The following PLTP variants were observed in gnomAD, a reference collection of about 807,000 sequenced individuals.
PLTP encodes the protein phospholipid transfer protein, also known as BPI fold containing family E.
Under a neutral mutation model 54.1 loss-of-function variants are expected in PLTP, and 43 were observed. That is an observed-to-expected ratio of 0.79 (90% CI 0.62 to 1.02). The LOEUF is 1.02. PLTP is among the 50% of genes least tolerant of loss of function. The pLI, the probability that PLTP is intolerant of heterozygous loss-of-function variation, is 0.00. For missense variants in PLTP, 604 were observed against 645.9 expected (o/e 0.94, Z 0.70); for synonymous variants, 263 against 264.6 (o/e 0.99, Z 0.06).
Position 45,909,680 on chromosome 20 carries a change from G to C in PLTP, c.330-9C>G, listed in dbSNP as rs1206736466. On this transcript the variant is annotated splice_polypyrimidine_tract_variant and intron_variant, in intron 4 of 15. Coordinates refer to ENST00000372431, the MANE Select transcript of PLTP (RefSeq NM_006227.4). ...TGTAGCCCCCATCATAGCTGCCAGG[G>C]GGGTTAATATTCACTCCAGGTAGGA... The C allele has an allele frequency of 6.2e-7, 1 of 1,613,902 alleles. No individual in the cohort carries two copies. Among genetic ancestry groups the C allele is most frequent in the Non-Finnish European group, 8.5e-7 (1 of 1,180,000 alleles).
intron 3 of PLTP, among the ~76,000 whole-genome samples, chr20:45,910,390 C>T (rs1311289627): frequency 6.6e-6 from 1 of 151,978 alleles, no homozygotes; most frequent in Non-Finnish European, 1.5e-5. Context: ...CCGAGGAGGG[C>T]GGATCACTTG....
In PLTP at chr20:45,899,812, GCCCAC is replaced by G; in HGVS notation, c.1218+19_1218+23del. ...GTCAGGATCTCACGAACCCAGCCCA[GCCCAC>G]CCACCCTTCCCCACTCACAGCCAGC... On this transcript the variant is annotated intron_variant, in intron 13 of 15. Coordinates refer to ENST00000372431, the MANE Select transcript of PLTP (RefSeq NM_006227.4). 1.3e-5 allele frequency: 4 copies of G among 309,270 alleles called. No homozygotes were observed. The highest frequency in any genetic ancestry group is 2.5e-5 in the Non-Finnish European group (4 of 160,900). 19.2% of individuals were successfully genotyped at this position (309,270 alleles called of 1,614,324 possible).
intron 8 of PLTP, among the ~76,000 whole-genome samples, chr20:45,905,523 A>C (rs1443265427): frequency 6.6e-6 from 1 of 152,198 alleles, no homozygotes; most frequent in African/African-American, 2.4e-5. Flanking sequence ...TTCCATTTAC[A>C]TGTTAGGAAA....
chr20:45,905,200 C>A, intron 8 of PLTP, 82 bp from the exon 9 acceptor site: 2 of 1,285,068 alleles, frequency 1.6e-6, no homozygotes, highest in Non-Finnish European at 2.2e-6. Context: ...CAGCCCCGTG[C>A]TAGGCACTGT....
chr20:45,902,512 A>G lies in PLTP; in HGVS notation c.1035T>C (p.Ser345=). The G allele has an allele frequency of 6.2e-7, 1 of 1,614,130 alleles. No homozygotes were observed. Among genetic ancestry groups the G allele is most frequent in the Non-Finnish European group, 8.5e-7 (1 of 1,179,948 alleles). ...CTIKPSGTTI[S]VTASVTIALV... ...GGGCAATGGTGACGCTAGCAGTGAC[A>G]GAGATGGTGGTGCCAGAGGGCTTGA... The change falls in exon 11 of 16, where the codon TCT becomes TCC. Residue 345 remains serine, a synonymous_variant. Transcript: ENST00000372431.
chr20:45,909,525 C>G lies in PLTP; in HGVS notation c.476G>C (p.Gly159Ala). ...TGGGGCTGGGGCTTACTTGAAGGTT[C>G]CCCCGAAGGCCGCGTGCATTCTGGA... ...SVSRMHAAFG[G>A]TFKKVYDFLS... The change falls in exon 5 of 16, where the codon GGA (glycine) becomes GCA (alanine). Residue 159 changes from glycine (G) to alanine (A), a missense_variant. Coordinates refer to ENST00000372431, the MANE Select transcript of PLTP (RefSeq NM_006227.4). 1 of 1,614,042 alleles carries G rather than the reference C, an allele frequency of 6.2e-7. No individual in the cohort carries two copies. Among genetic ancestry groups the G allele is most frequent in the Non-Finnish European group, 8.5e-7 (1 of 1,179,994 alleles).
Position 45,898,959 on chromosome 20 carries a change from C to T in PLTP, c.1464G>A (p.Pro488=), listed in dbSNP as rs375930140. The part of the protein sequence containing the change: ...ADVRASTAPT[P]STAAV ...TGAGGGCTCAGACAGCTGCTGTGGACGGTGTGGGGGCAGTGGACGCCCTGA... is the reference window on the plus strand; with the variant it reads ...TGAGGGCTCAGACAGCTGCTGTGGATGGTGTGGGGGCAGTGGACGCCCTGA... The change falls in exon 16 of 16, where the codon CCG becomes CCA. Residue 488 remains proline, a synonymous_variant. Coordinates refer to ENST00000372431, the MANE Select transcript of PLTP (RefSeq NM_006227.4). The surrounding 1 kb of genome is among the most constrained non-coding windows in gnomAD (Gnocchi z 4.6). The T allele has an allele frequency of 1.7e-5, 27 of 1,613,848 alleles. No individual in the cohort carries two copies. The highest frequency in any genetic ancestry group is 8.9e-5 in the East Asian group (4 of 44,882).
intron 12 of PLTP, among the ~76,000 whole-genome samples, chr20:45,901,541 C>T (rs776476782): frequency 6.6e-6 from 1 of 152,158 alleles, no homozygotes; most frequent in African/African-American, 2.4e-5. Flanking sequence ...CTGCAGTGAG[C>T]TATGATTGCA....
In PLTP at chr20:45,902,261, G is replaced by C. The variant is rs11569652; in HGVS notation, c.1175+6C>G. ...CACTGAGGTGCAGGGAAGTGCGCCT[G>C]CCTACCTGCGCAGGTCCAGCTGCGT... On this transcript the variant is annotated splice_donor_region_variant and intron_variant, in intron 12 of 15. Coordinates refer to ENST00000372431, the MANE Select transcript of PLTP (RefSeq NM_006227.4). 3,515 of 1,613,608 alleles carry C rather than the reference G, an allele frequency of 2.2e-3. 62 individuals carry two copies. The African/African-American group carries it at 0.04, about 18-fold the overall frequency.
At position 45,904,995 on chromosome 20, in the gene PLTP, T is replaced by G. The variant is rs1406652644; in HGVS notation, c.829A>C (p.Met277Leu). 1 of 1,614,202 alleles carries G rather than the reference T, an allele frequency of 6.2e-7. No individual in the cohort carries two copies. Among genetic ancestry groups the G allele is most frequent in the African/African-American group, 1.3e-5 (1 of 75,050 alleles). ...AFSEFFFDSAMESYFRAGALQ... is the reference protein window; with the variant it reads ...AFSEFFFDSALESYFRAGALQ... ...GCCCCCGCCCGGAAGTAGCTCTCCA[T>G]GGCAGAGTCGAAGAAGAACTCAGAG... Residue 277 changes from methionine (M) to leucine (L), a missense_variant, in exon 9 of 16, where the codon ATG becomes CTG. By Grantham distance (15) the Met-to-Leu change is conservative. Transcript: ENST00000372431.
Position 45,911,204 on chromosome 20 carries a change from T to C in PLTP, c.148A>G (p.Thr50Ala). The change falls in exon 3 of 16, where the codon ACC (threonine) becomes GCC (alanine). Residue 50 changes from threonine (T) to alanine (A), a missense_variant. Physicochemically the swap from Thr to Ala is moderately conservative, Grantham distance 58. Transcript: ENST00000372431. ...TCTTTGCCCCGCAGGTCCGGAATGG[T>C]GATAGTCTCCAGCTCTTGCTCCAGA... ...RFLEQELETI[T>A]IPDLRGKEGH... 1 of 1,614,018 alleles carries C rather than the reference T, an allele frequency of 6.2e-7. No individual in the cohort carries two copies. The highest frequency in any genetic ancestry group is 2.2e-5 in the East Asian group (1 of 44,860).
intron 3 of PLTP, 53 bp downstream of exon 3, chr20:45,911,099 G>T (rs2145842822): frequency 6.2e-7 from 1 of 1,610,500 alleles, no homozygotes; most frequent in South Asian, 1.1e-5. Flanking sequence ...CTCGGGCCCC[G>T]CCTCCACCGC....
chr20:45,900,519 TTTTC>T (rs2083174716), intron 12 of PLTP, among the ~76,000 whole-genome samples: 1 of 152,024 alleles, frequency 6.6e-6, no homozygotes, highest in Admixed American at 6.6e-5. Context: ...AGCATATTTA[TTTTC>T]TTTTTTTATT....
chr20:45,911,350 T>C lies in PLTP; in HGVS notation c.100+3A>G. On this transcript the variant is annotated splice_donor_region_variant and intron_variant, in intron 2 of 15. Transcript: ENST00000372431. ...TCCGTCCCTGTCTGCCCCTGCGCCT[T>C]ACCCAGCTCCAGCGCCTTGGAGGTG... 1 of 1,613,406 alleles carries C rather than the reference T, an allele frequency of 6.2e-7. No individual in the cohort carries two copies. Among genetic ancestry groups the C allele is most frequent in the Non-Finnish European group, 8.5e-7 (1 of 1,179,990 alleles).
At chr20:45,898,620 C>A, downstream of PLTP, 2 of 754,728 alleles carry the variant, frequency 2.6e-6, no homozygotes, top group Non-Finnish European at 4.6e-6. The surrounding 1 kb of genome is among the most constrained non-coding windows in gnomAD (Gnocchi z 4.6). Context: ...CCATAGACAG[C>A]CTGGGGGCAA....
At chr20:45,899,711 G>T (rs747650570) in intron 13 of PLTP, 26 bp from the exon 14 acceptor site, 1 of 1,613,878 alleles carries the variant, frequency 6.2e-7, no homozygotes, top group Admixed American at 1.7e-5. Flanking sequence ...GCGGAAACAG[G>T]GCAGTGAGTC....
chr20:45,901,430 T>C (rs934907032), intron 12 of PLTP, among the ~76,000 whole-genome samples: 1 of 151,706 alleles, frequency 6.6e-6, no homozygotes, highest in Non-Finnish European at 1.5e-5. Flanking sequence ...AGACCCCATC[T>C]CTACAAAAAA....
chr20:45,902,238 C>T (rs2083191891), intron 12 of PLTP, 29 bp downstream of exon 12: 5 of 1,610,934 alleles, frequency 3.1e-6, no homozygotes, highest in Non-Finnish European at 2.5e-6. Flanking sequence ...CCTCCAATCA[C>T]TGAGGTGCAG....
intron 10 of PLTP, among the ~76,000 whole-genome samples, chr20:45,903,586 T>G (rs1273080553): frequency 6.6e-6 from 1 of 152,190 alleles, no homozygotes. Context: ...AGGAATACTA[T>G]AAGATGCAAC....
Sources: gnomAD v4.1 joint callset for allele counts (sites outside exome capture counted in the v4.1 genomes callset) on GRCh38, gnomAD v4.1.1 for gene constraint, Gnocchi (gnomAD v3.1) non-coding constraint, MANE v1.5 for transcripts, NCBI Gene and HGNC (gene_info 2026-07-23, HGNC 2026-07-21) for gene names.